The following NPFFR2 variants were observed in gnomAD, a reference collection of about 807,000 sequenced individuals.
NPFFR2 encodes the protein neuropeptide FF receptor 2.
NPFFR2 carries 15 observed loss-of-function variants against 13.1 expected under a neutral mutation model. The observed-to-expected ratio is 1.15, with a 90% CI of 0.77 to 1.76. NPFFR2 has a LOEUF of 1.76. Ranked by LOEUF, NPFFR2 falls within the 40% of genes most tolerant of loss-of-function variation. The pLI is 0.00. For missense variants in NPFFR2, 572 were observed against 503.5 expected, an observed-to-expected ratio of 1.14 and a Z score of -1.30; for synonymous variants, 190 against 175.7, an observed-to-expected ratio of 1.08 and a Z score of -0.65.
chr4:72,127,245 A>G (rs1722076768), intron 1 of NPFFR2, among the ~76,000 whole-genome samples: 1 of 108,158 alleles, frequency 9.2e-6, no homozygotes, highest in African/African-American at 3.7e-5. Flanking sequence ...TGGAGCTTGC[A>G]GTGAGCCGAG....
intron 1 of NPFFR2, among the ~76,000 whole-genome samples, chr4:72,125,110 G>T (rs547881275): frequency 4.6e-5 from 7 of 152,272 alleles, no homozygotes; most frequent in Non-Finnish European, 8.8e-5. Context: ...CAAAAAGTGG[G>T]TGAAGGATAC....
At chr4:72,043,844 G>C (rs1719302269) in intron 1 of NPFFR2, among the ~76,000 whole-genome samples, 1 of 152,134 alleles carries the variant, frequency 6.6e-6, no homozygotes, top group Admixed American at 6.5e-5. Flanking sequence ...CTGTTGGAAG[G>C]GCATGATTGT....
intron 2 of NPFFR2, among the ~76,000 whole-genome samples, chr4:72,136,040 G>A (rs1722399904): frequency 6.6e-6 from 1 of 151,998 alleles, no homozygotes. Context: ...CTTGACTGTA[G>A]TCACTCTGTT....
At chr4:72,145,278 T>C (rs193273994) in intron 3 of NPFFR2, among the ~76,000 whole-genome samples, 27 of 145,560 alleles carry the variant, frequency 1.9e-4, no homozygotes, top group African/African-American at 6.7e-4. Context: ...GTTATAAATA[T>C]AAATATATAA....
In NPFFR2 at chr4:72,128,611, C is replaced by A. The variant is rs368846467; in HGVS notation, c.20C>A (p.Thr7Lys). The change falls in exon 2 of 4, where the codon ACA becomes AAA. Residue 7 changes from threonine (T) to lysine (K), a missense_variant. Transcript: ENST00000308744. MNEKWD[T>K]NSSENWHPIW... ...TTCATCATGAATGAGAAATGGGACA[C>A]AAACTCTTCAGAAAACTGGCATCCC... The A allele has an allele frequency of 1.8e-5, 29 of 1,609,084 alleles. No homozygotes were observed. The highest frequency in any genetic ancestry group is 2.7e-5 in the African/African-American group (2 of 74,782).
intron 3 of NPFFR2, among the ~76,000 whole-genome samples, chr4:72,139,350 T>A (rs960828657): frequency 1.1e-4 from 16 of 152,196 alleles, no homozygotes; most frequent in Non-Finnish European, 2.4e-4. Context: ...ATGTCCTGAA[T>A]GGTATTGCTT....
chr4:72,082,656 G>A (rs1266402225), intron 1 of NPFFR2, among the ~76,000 whole-genome samples: 1 of 151,664 alleles, frequency 6.6e-6, no homozygotes, highest in African/African-American at 2.4e-5. Flanking sequence ...ATCTTTTTTT[G>A]TGATGAGAAC....
intron 1 of NPFFR2, among the ~76,000 whole-genome samples, chr4:72,064,916 A>C (rs901698683): frequency 6.6e-6 from 1 of 152,128 alleles, no homozygotes; most frequent in Non-Finnish European, 1.5e-5. Flanking sequence ...CTTGTTTCTT[A>C]CTTCTTCTAC....
At chr4:72,075,693 C>T (rs1374580978) in intron 1 of NPFFR2, among the ~76,000 whole-genome samples, 1 of 151,914 alleles carries the variant, frequency 6.6e-6, no homozygotes, top group East Asian at 1.9e-4. Context: ...TGTATGATTC[C>T]ACTTATATGA....
chr4:72,033,098 A>G (rs1451428301), intron 1 of NPFFR2, among the ~76,000 whole-genome samples: 10 of 152,190 alleles, frequency 6.6e-5, no homozygotes, highest in Admixed American at 6.5e-4. Context: ...GGAACTACTA[A>G]TGAGAGGAAG....
chr4:72,062,571 T>C (rs1239341557), intron 1 of NPFFR2, among the ~76,000 whole-genome samples: 13 of 152,070 alleles, frequency 8.5e-5, no homozygotes, highest in African/African-American at 3.1e-4. Context: ...CCCGTATCTA[T>C]GTCCTTTCCA....
At chr4:72,136,719 C>T (rs1031858937) in intron 2 of NPFFR2, among the ~76,000 whole-genome samples, 1 of 152,184 alleles carries the variant, frequency 6.6e-6, no homozygotes, top group Admixed American at 6.5e-5. Context: ...ATCACAGTGG[C>T]ACTCATTACC....
At chr4:72,102,970 T>A (rs986641785) in intron 1 of NPFFR2, among the ~76,000 whole-genome samples, 1 of 152,114 alleles carries the variant, frequency 6.6e-6, no homozygotes, top group African/African-American at 2.4e-5. Flanking sequence ...ATGGTTGAAC[T>A]AGTTTACAGT....
intron 1 of NPFFR2, among the ~76,000 whole-genome samples, chr4:72,078,232 C>T (rs1720501598): frequency 6.6e-6 from 1 of 151,998 alleles, no homozygotes; most frequent in African/African-American, 2.4e-5. Context: ...AATGTAGCAA[C>T]AAAATTGCTG....
rs114858143 is a variant in NPFFR2 at position 72,046,396 on chromosome 4, A to G, written c.-8+14196A>G. Among the ~76,000 whole-genome samples, 479 of 152,268 alleles carry G rather than the reference A, an allele frequency of 3.1e-3. 4 individuals are homozygous for G. Among genetic ancestry groups the G allele is most frequent in the African/African-American group, 0.011 (442 of 41,544 alleles). On this transcript the variant is annotated intron_variant, in intron 1 of 3. Transcript: ENST00000308744. ...TTATTACAGGAGTGGGCTCCTGATA[A>G]AAAGATAAGCCCAGCCGCCTTTTGT...
chr4:72,074,055 A>G (rs989219151), intron 1 of NPFFR2, among the ~76,000 whole-genome samples: 4 of 151,944 alleles, frequency 2.6e-5, no homozygotes, highest in African/African-American at 9.7e-5. Context: ...AGTTTCCCAT[A>G]GTGAACTGCA....
chr4:72,037,572 ACT>A (rs1719075693), intron 1 of NPFFR2, among the ~76,000 whole-genome samples: 3 of 151,906 alleles, frequency 2.0e-5, no homozygotes, highest in Admixed American at 2.0e-4. Flanking sequence ...ATAATAGACA[ACT>A]CTCTCAGCAG....
chr4:72,076,362 T>C (rs1578439498), intron 1 of NPFFR2, among the ~76,000 whole-genome samples: 1 of 152,114 alleles, frequency 6.6e-6, no homozygotes, highest in East Asian at 1.9e-4. Context: ...ATATTATATA[T>C]AAATTGTTAT....
intron 1 of NPFFR2, among the ~76,000 whole-genome samples, chr4:72,071,949 G>C (rs1446776793): frequency 6.6e-6 from 1 of 152,034 alleles, no homozygotes; most frequent in Non-Finnish European, 1.5e-5. Context: ...GAGAAAATTA[G>C]AAAGTCACCA....
Sources: gnomAD v4.1 joint callset for allele counts (sites outside exome capture counted in the v4.1 genomes callset) on GRCh38, gnomAD v4.1.1 for gene constraint, MANE v1.5 for transcripts, NCBI Gene and HGNC (gene_info 2026-07-23, HGNC 2026-07-21) for gene names.